The following KBTBD4 variants were observed in gnomAD, a reference collection of about 807,000 sequenced individuals.
KBTBD4 encodes the protein kelch repeat and BTB domain containing 4.
Under a neutral mutation model 43.9 loss-of-function variants are expected in KBTBD4, and 30 were observed. The observed-to-expected ratio is 0.68, with a 90% CI of 0.51 to 0.93. KBTBD4 has a LOEUF of 0.93. KBTBD4 is among the 40% of genes least tolerant of loss of function. KBTBD4 has a pLI of 0.00. For synonymous variants in KBTBD4, 258 were observed against 256.9 expected, an observed-to-expected ratio of 1.00 and a Z score of -0.04; for missense variants, 575 against 668.8, an observed-to-expected ratio of 0.86 and a Z score of 1.55.
intron 2 of KBTBD4, among the ~76,000 whole-genome samples, 188 bp downstream of exon 2, chr11:47,577,221 CTG>C (rs1273299177): frequency 6.6e-6 from 1 of 152,208 alleles, no homozygotes; most frequent in South Asian, 2.1e-4. Flanking sequence ...CTCTAACGCA[CTG>C]TGTCTCTGAC....
At position 47,577,338 on chromosome 11, in the gene KBTBD4, C is replaced by A. The variant is rs893061439; in HGVS notation, c.637+73G>T. The stretch of plus-strand genomic sequence containing the variant: ...CACCAGGAAGCTTGAGGGTTCTTTT[C>A]TCCTAAACTAGAACATTCACTGAAC... On this transcript the variant is annotated intron_variant, in intron 2 of 3. Transcript: ENST00000430070. The A allele has an allele frequency of 2.8e-6, 4 of 1,445,792 alleles. No homozygotes were observed. The African/African-American group carries it at 5.7e-5, about 21-fold the overall frequency. The allele number at this position is 1,445,792 out of a possible 1,614,324, so 89.6% of individuals were successfully genotyped here. A position where few individuals can be genotyped will look rare whatever the true frequency, so the allele number is the denominator to read the frequency against.
intron 3 of KBTBD4, among the ~76,000 whole-genome samples, chr11:47,574,541 C>T (rs1478060338): frequency 2.6e-5 from 4 of 152,054 alleles, no homozygotes; most frequent in Non-Finnish European, 5.9e-5. Flanking sequence ...GACGACCATT[C>T]ATAATCTGGC....
chr11:47,577,564 T>G lies in KBTBD4; in HGVS notation c.484A>C (p.Asn162His). The change falls in exon 2 of 4, where the codon AAC (asparagine) becomes CAC (histidine). Residue 162 changes from asparagine (N) to histidine (H), a missense_variant. Coordinates refer to ENST00000430070, the MANE Select transcript of KBTBD4 (RefSeq NM_018095.6). The part of the protein sequence containing the change: ...RFLARTVQVG[N>H]CLQVMWLADR... ...GCCAGCCACATCACCTGAAGGCAGT[T>G]TCCCACTTGCACTGTGCGGGCCAAA... 1.2e-6 allele frequency: 2 copies of G among 1,614,162 alleles called. No homozygotes were observed. The highest frequency in any genetic ancestry group is 1.7e-6 in the Non-Finnish European group (2 of 1,180,036).
At chr11:47,578,874 A>G in intron 1 of KBTBD4, 59 bp downstream of exon 1, 1 of 1,549,236 alleles carries the variant, frequency 6.5e-7, no homozygotes, top group South Asian at 1.2e-5. Flanking sequence ...GCTCTGCCAC[A>G]AGGAGCTAGG....
chr11:47,578,237 T>C, intron 1 of KBTBD4: 1 of 596,622 alleles, frequency 1.7e-6, no homozygotes, highest in East Asian at 2.8e-5. Flanking sequence ...CCGCTAATGA[T>C]ATAAATAAAA....
intron 3 of KBTBD4, among the ~76,000 whole-genome samples, chr11:47,575,304 C>A (rs1011068675): frequency 3.3e-5 from 5 of 151,128 alleles, no homozygotes; most frequent in African/African-American, 1.2e-4. Flanking sequence ...GTCAGGAGAT[C>A]GAGAGCATCC....
At chr11:47,574,714 C>T (rs1346594412) in intron 3 of KBTBD4, among the ~76,000 whole-genome samples, 2 of 151,064 alleles carry the variant, frequency 1.3e-5, no homozygotes, top group African/African-American at 2.4e-5. Context: ...ATTATCTGGG[C>T]GTGGTCGTGG....
chr11:47,574,121 G>A (rs774167065), intron 3 of KBTBD4, among the ~76,000 whole-genome samples: 1 of 152,070 alleles, frequency 6.6e-6, no homozygotes, highest in East Asian at 1.9e-4. Flanking sequence ...GGGTTACAAA[G>A]ACATCCTTCT....
chr11:47,578,820 C>A, intron 1 of KBTBD4, 113 bp downstream of exon 1: 2 of 1,543,260 alleles, frequency 1.3e-6, no homozygotes, highest in South Asian at 1.2e-5. Flanking sequence ...CCCCTCCCCT[C>A]CTCTCACCCG....
intron 1 of KBTBD4, chr11:47,578,667 GC>G (rs1565938680): frequency 7.3e-6 from 7 of 955,364 alleles, no homozygotes; most frequent in Non-Finnish European, 1.1e-5. Context: ...ATCACCCTGT[GC>G]AATGTCCCCG....
intron 1 of KBTBD4, 70 bp downstream of exon 1, chr11:47,578,863 G>A (rs1280947519): frequency 6.5e-7 from 1 of 1,549,740 alleles, no homozygotes; most frequent in East Asian, 2.4e-5. Context: ...CTTCTCTCTA[G>A]GCTCTGCCAC....
In KBTBD4 at chr11:47,577,817, C is replaced by T; in HGVS notation, c.231G>A (p.Leu77=). Residue 77 remains leucine (L), a synonymous_variant, in exon 2 of 4, where the codon CTG becomes CTA. Coordinates refer to ENST00000430070, the MANE Select transcript of KBTBD4 (RefSeq NM_018095.6). Reference sequence around the variant, plus strand: ...AGAAGCAGCTCTGAGCTGAGAGGACCAGCCGATGGAGCTGAAACTCCCGGC... The same window carrying T: ...AGAAGCAGCTCTGAGCTGAGAGGACTAGCCGATGGAGCTGAAACTCCCGGC... ...VEGREFQLHR[L]VLSAQSCFFR... is the part of the protein sequence containing the mutation. 1 of 1,614,164 alleles carries T rather than the reference C, an allele frequency of 6.2e-7. No homozygotes were observed. The highest frequency in any genetic ancestry group is 8.5e-7 in the Non-Finnish European group (1 of 1,180,026).
Position 47,578,914 on chromosome 11 carries a change from G to A in KBTBD4, c.19+19C>T, listed in dbSNP as rs1266586913. On this transcript the variant is annotated intron_variant, in intron 1 of 3. Transcript: ENST00000430070. Reference sequence around the variant, plus strand: ...CGCTCACCTCACGATTTCCCTACCTGCCTGTCTCGCTTTCTCACCTGCGTT... The same window carrying A: ...CGCTCACCTCACGATTTCCCTACCTACCTGTCTCGCTTTCTCACCTGCGTT... 1.3e-6 allele frequency: 2 copies of A among 1,551,562 alleles called. No individual in the cohort carries two copies. The highest frequency in any genetic ancestry group is 4.9e-5 in the East Asian group (2 of 40,908).
chr11:47,578,414 T>C, intron 1 of KBTBD4: 2 of 567,832 alleles, frequency 3.5e-6, no homozygotes. Context: ...CTAGTGAAGC[T>C]CAGGGGCAGT....
intron 1 of KBTBD4, chr11:47,578,444 C>A: frequency 1.8e-6 from 1 of 568,326 alleles, no homozygotes; most frequent in South Asian, 2.3e-5. Context: ...CAAAAAGGAC[C>A]CCTGGCCCCG....
Position 47,572,955 on chromosome 11 carries a change from G to A in KBTBD4, c.1580C>T (p.Thr527Ile). The A allele has an allele frequency of 6.2e-7, 1 of 1,614,018 alleles. No individual in the cohort carries two copies. The highest frequency in any genetic ancestry group is 8.5e-7 in the Non-Finnish European group (1 of 1,179,908). The change falls in exon 4 of 4, where the codon ACC becomes ATC. Residue 527 changes from threonine to isoleucine, a missense_variant. By Grantham distance (89) the Thr-to-Ile change is moderately conservative (BLOSUM62 -1). Transcript: ENST00000430070. ...TVTRGIKVLL[T>I]NLQFVLA ...TTAGGCCAACACAAACTGCAAATTGGTAAGCAGCACCTTAATACCTCTTGT... is the reference window on the plus strand; with the variant it reads ...TTAGGCCAACACAAACTGCAAATTGATAAGCAGCACCTTAATACCTCTTGT...
In KBTBD4 at chr11:47,573,703, C is replaced by T; in HGVS notation, c.832G>A (p.Asp278Asn). 6.2e-7 allele frequency: 1 copy of T among 1,608,478 alleles called. No individual in the cohort carries two copies. Among genetic ancestry groups the T allele is most frequent in the East Asian group, 2.2e-5 (1 of 44,882 alleles). ...SLAVSLHCAE[D>N]DSISVSGQNS... is the part of the protein sequence containing the mutation. ...TGGCCACTTACACTGATGGAGTCAT[C>T]TTCTGCACAGTGCAAGGACACAGCC... Residue 278 changes from aspartate to asparagine, a missense_variant, in exon 4 of 4, where the codon GAT becomes AAT. Physicochemically the swap from Asp to Asn is conservative, Grantham distance 23 (BLOSUM62 1). Transcript: ENST00000430070. The surrounding 1 kb of genome is among the most constrained non-coding windows in gnomAD (Gnocchi z 4.1).
chr11:47,573,690 C>G lies in KBTBD4; in HGVS notation c.845G>C (p.Ser282Thr), dbSNP rs1252174587. ...GCACAAACTGTTTTGGCCACTTACACTGATGGAGTCATCTTCTGCACAGTG... is the reference window on the plus strand; with the variant it reads ...GCACAAACTGTTTTGGCCACTTACAGTGATGGAGTCATCTTCTGCACAGTG... ...SLHCAEDDSI[S>T]VSGQNSLCHQ... The change falls in exon 4 of 4, where the codon AGT becomes ACT. Residue 282 changes from serine (S) to threonine (T), a missense_variant. Physicochemically the swap from Ser to Thr is moderately conservative, Grantham distance 58 (BLOSUM62 1). Coordinates refer to ENST00000430070, the MANE Select transcript of KBTBD4 (RefSeq NM_018095.6). This position sits in a 1 kb window ranked among gnomAD's most constrained non-coding sequence, Gnocchi z 4.1. 6.2e-7 allele frequency: 1 copy of G among 1,610,390 alleles called. No individual in the cohort carries two copies. The highest frequency in any genetic ancestry group is 1.1e-5 in the South Asian group (1 of 91,090).
At chr11:47,578,155 T>G (rs2097263820) in intron 1 of KBTBD4, 127 bp from the exon 2 acceptor site, 1 of 1,033,782 alleles carries the variant, frequency 9.7e-7, no homozygotes, top group African/African-American at 1.6e-5. Context: ...GCCTTAGTCC[T>G]GGCCCTGTCC....
Sources: gnomAD v4.1 joint callset for allele counts (sites outside exome capture counted in the v4.1 genomes callset) on GRCh38, gnomAD v4.1.1 for gene constraint, Gnocchi (gnomAD v3.1) non-coding constraint, MANE v1.5 for transcripts, NCBI Gene and HGNC (gene_info 2026-07-23, HGNC 2026-07-21) for gene names.